Variants in ARHGAP12 observed in about 807,000 individuals in gnomAD.
The protein encoded by ARHGAP12 is rho GTPase-activating protein 12.
ARHGAP12 carries 64 observed loss-of-function variants against 108.6 expected under a neutral mutation model. The ratio of observed to expected loss-of-function variants is 0.59; its 90% CI spans 0.48 to 0.73. The LOEUF is 0.73. Ranked by LOEUF, ARHGAP12 falls within the 30% of genes least tolerant of loss-of-function variation. ARHGAP12 has a pLI of 0.00. For missense variants in ARHGAP12, 940 were observed against 1,005.9 expected (o/e 0.93, Z 0.89); for synonymous variants, 312 against 337.2 (o/e 0.93, Z 0.82).
chr10:31,908,094 C>G lies in ARHGAP12; in HGVS notation c.684+78G>C, dbSNP rs190193226. 221 of 1,363,750 alleles carry G rather than the reference C, an allele frequency of 1.6e-4. No homozygotes were observed. In the African/African-American group the frequency reaches 2.9e-3, roughly 18 times the overall value. 84.5% of individuals were successfully genotyped at this position (1,363,750 alleles called of 1,614,324 possible). ...AAAGCAAAACAAGTCTTAACTCTTACAAATATTTCAATTAAAACTATAACT... is the reference window on the plus strand; with the variant it reads ...AAAGCAAAACAAGTCTTAACTCTTAGAAATATTTCAATTAAAACTATAACT... On this transcript the variant is annotated intron_variant, in intron 3 of 19. Coordinates refer to ENST00000344936, the MANE Select transcript of ARHGAP12 (RefSeq NM_018287.7).
intron 1 of ARHGAP12, among the ~76,000 whole-genome samples, chr10:31,911,210 G>C (rs1294671427): frequency 1.3e-5 from 2 of 152,094 alleles, no homozygotes; most frequent in African/African-American, 4.8e-5. Flanking sequence ...TTTTATTAGA[G>C]ATGGGGTTTT....
In ARHGAP12 at chr10:31,839,680, G is replaced by A; in HGVS notation, c.1328C>T (p.Pro443Leu). 6.2e-7 allele frequency: 1 copy of A among 1,608,724 alleles called. No homozygotes were observed. Among genetic ancestry groups the A allele is most frequent in the Non-Finnish European group, 8.5e-7 (1 of 1,176,514 alleles). Reference protein sequence around the residue: ...ESPTASKPCFPENESSPSSPK... With the variant: ...ESPTASKPCFLENESSPSSPK... Reference sequence around the variant, plus strand: ...TGAGGAGGGAGAAGACTCATTTTCAGGAAAGCAGGGTTTTGAGGCAGTTGG... The same window carrying A: ...TGAGGAGGGAGAAGACTCATTTTCAAGAAAGCAGGGTTTTGAGGCAGTTGG... Residue 443 changes from proline to leucine, a missense_variant, in exon 8 of 20, where the codon CCT becomes CTT. Transcript: ENST00000344936.
rs746234425 is a variant in ARHGAP12, at chr10:31,908,331, G to A, written c.525C>T (p.Arg175=). The A allele has an allele frequency of 1.2e-6, 2 of 1,614,130 alleles. No individual in the cohort carries two copies. The highest frequency in any genetic ancestry group is 8.5e-7 in the Non-Finnish European group (1 of 1,180,018). The change falls in exon 3 of 20, where the codon CGC becomes CGT. Residue 175 remains arginine (R), a synonymous_variant. Transcript: ENST00000344936. ...CTGGACCGGGAAAATGACCAAATGA[G>A]CGTGTCCTATTCTGGCTGGAAACTT... The part of the protein sequence containing the change: ...SPKVSSQNRT[R]SFGHFPGPEF...
At chr10:31,884,324 CAA>C (rs34221433) in intron 3 of ARHGAP12, among the ~76,000 whole-genome samples, 1 of 139,062 alleles carries the variant, frequency 7.2e-6, no homozygotes. Flanking sequence ...ATCTCCCCTC[CAA>C]AAAAAAAAAC....
At chr10:31,834,238 A>G (rs945918349) in intron 9 of ARHGAP12, among the ~76,000 whole-genome samples, 4 of 152,236 alleles carry the variant, frequency 2.6e-5, no homozygotes, top group Admixed American at 6.5e-5. Context: ...TACTTACTAC[A>G]GACTAAATGT....
intron 3 of ARHGAP12, among the ~76,000 whole-genome samples, chr10:31,885,056 G>C (rs1838141821): frequency 6.6e-6 from 1 of 151,998 alleles, no homozygotes; most frequent in Non-Finnish European, 1.5e-5. Context: ...CTGGAGAGCA[G>C]GGTGTCCATT....
chr10:31,922,495 T>C (rs1284566834), intron 1 of ARHGAP12, among the ~76,000 whole-genome samples: 1 of 151,682 alleles, frequency 6.6e-6, no homozygotes, highest in African/African-American at 2.4e-5. Flanking sequence ...CTCTAATTCC[T>C]GGGCTCAAGC....
At chr10:31,816,715 G>A (rs1434246569) in intron 13 of ARHGAP12, among the ~76,000 whole-genome samples, 1 of 152,130 alleles carries the variant, frequency 6.6e-6, no homozygotes, top group Non-Finnish European at 1.5e-5. Flanking sequence ...AGTTTCATAT[G>A]GCAATGGCAT....
At chr10:31,927,978 T>A (rs1050019799) in intron 1 of ARHGAP12, among the ~76,000 whole-genome samples, 7 of 152,162 alleles carry the variant, frequency 4.6e-5, no homozygotes, top group Admixed American at 6.5e-5. Flanking sequence ...GGGGAGCGAA[T>A]GCACGTCCAT....
intron 1 of ARHGAP12, among the ~76,000 whole-genome samples, chr10:31,910,974 T>C (rs1036410633): frequency 6.6e-6 from 1 of 152,212 alleles, no homozygotes; most frequent in Non-Finnish European, 1.5e-5. Flanking sequence ...TTATTAGGTG[T>C]CCTAACACAT....
chr10:31,915,103 G>C (rs1229526244), intron 1 of ARHGAP12, among the ~76,000 whole-genome samples: 1 of 151,748 alleles, frequency 6.6e-6, no homozygotes, highest in Non-Finnish European at 1.5e-5. Context: ...CTTAGAAGCT[G>C]AGGCCAGGCG....
chr10:31,830,028 T>C (rs1835772317), intron 10 of ARHGAP12, among the ~76,000 whole-genome samples: 1 of 152,186 alleles, frequency 6.6e-6, no homozygotes, highest in African/African-American at 2.4e-5. Context: ...TGTAAAACAA[T>C]GCCTCTCTTC....
intron 6 of ARHGAP12, among the ~76,000 whole-genome samples, chr10:31,847,991 G>A (rs1836526786): frequency 1.3e-5 from 2 of 152,124 alleles, no homozygotes; most frequent in African/African-American, 4.8e-5. Context: ...CTGATCTAGA[G>A]GGGCTCATCT....
chr10:31,899,888 T>C (rs373382005), intron 3 of ARHGAP12, among the ~76,000 whole-genome samples: 6 of 152,142 alleles, frequency 3.9e-5, no homozygotes, highest in South Asian at 2.1e-4. Flanking sequence ...TTTATTAAAA[T>C]TGAAAACTTT....
At chr10:31,914,206 CTG>C (rs1313061109) in intron 1 of ARHGAP12, among the ~76,000 whole-genome samples, 1 of 152,048 alleles carries the variant, frequency 6.6e-6, no homozygotes, top group Non-Finnish European at 1.5e-5. Context: ...CTTTCGTTGC[CTG>C]TGTTTTAGAG....
At chr10:31,888,038 A>G (rs951238031) in intron 3 of ARHGAP12, among the ~76,000 whole-genome samples, 2 of 152,132 alleles carry the variant, frequency 1.3e-5, no homozygotes, top group Admixed American at 6.6e-5. Flanking sequence ...GTGAACTATA[A>G]TAAGTTTGGA....
At chr10:31,838,317 TG>T (rs1007360671) in intron 9 of ARHGAP12, among the ~76,000 whole-genome samples, 1 of 151,384 alleles carries the variant, frequency 6.6e-6, no homozygotes, top group African/African-American at 2.4e-5. Flanking sequence ...TGAGATGAGG[TG>T]GTGGAGGCAC....
intron 6 of ARHGAP12, among the ~76,000 whole-genome samples, chr10:31,845,055 C>A (rs1389462927): frequency 1.3e-5 from 2 of 152,150 alleles, no homozygotes; most frequent in East Asian, 3.9e-4. Context: ...CTTTATTCTG[C>A]TCTGAAAATT....
chr10:31,889,069 C>T lies in ARHGAP12; in HGVS notation c.684+19103G>A, dbSNP rs140495585. On this transcript the variant is annotated intron_variant, in intron 3 of 19. Coordinates refer to ENST00000344936, the MANE Select transcript of ARHGAP12 (RefSeq NM_018287.7). ...GGATTACAGGTGCCCACCACCATGC[C>T]TGGCTAATTATTTTGTATCTTTAGT... Among the ~76,000 whole-genome samples the T allele has an allele frequency of 6.7e-3, 1,017 of 152,302 alleles. 10 individuals are homozygous for T. The highest frequency in any genetic ancestry group is 0.024 in the African/African-American group (979 of 41,554).
Sources: allele counts gnomAD v4.1 joint callset (sites outside exome capture counted in the v4.1 genomes callset), GRCh38; gene constraint gnomAD v4.1.1; transcripts MANE v1.5; gene names NCBI Gene and HGNC (gene_info 2026-07-23, HGNC 2026-07-21).